TPTE2: variants seen among roughly 807,000 people sequenced by gnomAD.
TPTE2 encodes the protein transmembrane phosphoinositide 3-phosphatase and tensin homolog 2.
In TPTE2, 53 loss-of-function variants were observed where a neutral mutation model predicts 78.6. The observed-to-expected ratio is 0.67, with a 90% CI of 0.54 to 0.85. The LOEUF is 0.85. TPTE2 is among the 40% of genes least tolerant of loss of function. The pLI is 0.00. For synonymous variants in TPTE2, 175 were observed against 206.2 expected, an observed-to-expected ratio of 0.85 and a Z score of 1.30; for missense variants, 461 against 623.0, an observed-to-expected ratio of 0.74 and a Z score of 2.77.
chr13:19,528,847 T>C (rs1870687280), intron 1 of TPTE2, among the ~76,000 whole-genome samples: 1 of 152,094 alleles, frequency 6.6e-6, no homozygotes, highest in African/African-American at 2.4e-5. Context: ...TGGCTGGGTG[T>C]GGTGGCTCAC....
chr13:19,546,169 G>A, the TPTE2 span, among the ~76,000 whole-genome samples: 1 of 152,084 alleles, frequency 6.6e-6, no homozygotes. Context: ...CTGCACTCCA[G>A]CCTGGAAGAC....
chr13:19,546,188 A>G, the TPTE2 span, among the ~76,000 whole-genome samples: 6 of 152,176 alleles, frequency 3.9e-5, no homozygotes, highest in African/African-American at 1.4e-4. Flanking sequence ...ACAGAGTGAC[A>G]CCACACCTCT....
At chr13:19,482,417 G>A (rs1041770080) in intron 4 of TPTE2, 71 bp downstream of exon 7, 38 of 1,549,594 alleles carry the variant, frequency 2.5e-5, no homozygotes, top group African/African-American at 7.0e-5. Context: ...TTGCCTTAGC[G>A]GAAGCCCTGT....
chr13:19,453,648 T>A (rs1273229610), intron 10 of TPTE2, among the ~76,000 whole-genome samples: 1 of 151,356 alleles, frequency 6.6e-6, no homozygotes, highest in East Asian at 1.9e-4. Context: ...CTTATCCAAA[T>A]TAGGTGAAAA....
chr13:19,426,055 T>C (rs1876038437), intron 18 of TPTE2, among the ~76,000 whole-genome samples: 1 of 151,106 alleles, frequency 6.6e-6, no homozygotes, highest in African/African-American at 2.4e-5. Context: ...TGAGACCCTG[T>C]CTCAACTTCT....
intron 10 of TPTE2, among the ~76,000 whole-genome samples, chr13:19,452,089 T>C (rs1011909228): frequency 2.0e-5 from 3 of 152,088 alleles, no homozygotes; most frequent in African/African-American, 7.2e-5. Flanking sequence ...CATCCATTTA[T>C]TAAACTGGCT....
At chr13:19,422,926 T>C (rs1024833548) in exon 20 of TPTE2, 3 of 921,452 alleles carry the variant, frequency 3.3e-6, no homozygotes, top group African/African-American at 1.8e-5. Flanking sequence ...TATAAACATA[T>C]ATAAATATAG....
At chr13:19,514,719 G>A (rs965609280) in intron 1 of TPTE2, among the ~76,000 whole-genome samples, 4 of 151,662 alleles carry the variant, frequency 2.6e-5, no homozygotes, top group South Asian at 2.1e-4. Flanking sequence ...GCTAGTTCCC[G>A]GTCACCCTTG....
intron 15 of TPTE2, among the ~76,000 whole-genome samples, chr13:19,433,950 T>C (rs1324476576): frequency 1.3e-5 from 2 of 152,204 alleles, no homozygotes; most frequent in African/African-American, 4.8e-5. Context: ...ATCCCCTTAG[T>C]TTCTGCCACT....
chr13:19,439,915 G>T (rs140527111), intron 13 of TPTE2, among the ~76,000 whole-genome samples: 2 of 152,210 alleles, frequency 1.3e-5, no homozygotes, highest in East Asian at 1.9e-4. Context: ...AAAGAAAAAA[G>T]ATTTTTTAAA....
chr13:19,482,976 G>A (rs1880449492), intron 3 of TPTE2, among the ~76,000 whole-genome samples: 1 of 152,138 alleles, frequency 6.6e-6, no homozygotes, highest in Non-Finnish European at 1.5e-5. Flanking sequence ...GCATATAAAA[G>A]TTATGTTTAC....
At chr13:19,472,635 T>C (rs1879696046) in intron 6 of TPTE2, among the ~76,000 whole-genome samples, 1 of 152,216 alleles carries the variant, frequency 6.6e-6, no homozygotes, top group Non-Finnish European at 1.5e-5. Context: ...AAAGGTCACA[T>C]ATATCTGTTT....
Position 19,496,744 on chromosome 13 carries a change from C to G in TPTE2, c.12-3243G>C, listed in dbSNP as rs116362697. On this transcript the variant is annotated intron_variant, in intron 1 of 19. Coordinates refer to ENST00000400230, the Ensembl canonical transcript of TPTE2. ...CCCTTCTGTCAATCTGGTACGCTCT[C>G]AAACTCAGGAAATCTGAGTCCTTTA... Among the ~76,000 whole-genome samples, 1,176 of 152,354 alleles carry G rather than the reference C, an allele frequency of 7.7e-3. 14 individuals are homozygous for G. The highest frequency in any genetic ancestry group is 0.027 in the African/African-American group (1,129 of 41,584).
At chr13:19,484,171 T>A (rs1441284783) in intron 3 of TPTE2, among the ~76,000 whole-genome samples, 5 of 152,214 alleles carry the variant, frequency 3.3e-5, no homozygotes, top group African/African-American at 1.2e-4. Flanking sequence ...TCTAGTTACA[T>A]TTGTTTCAAG....
At chr13:19,465,763 T>C (rs923609736) in intron 7 of TPTE2, among the ~76,000 whole-genome samples, 199 bp from the exon 11 acceptor site, 2 of 152,154 alleles carry the variant, frequency 1.3e-5, no homozygotes, top group African/African-American at 4.8e-5. Flanking sequence ...TGTGTCTGTG[T>C]GTTACTTACA....
chr13:19,476,957 AACCTAGGTACCC>A (rs1879987708), intron 4 of TPTE2, among the ~76,000 whole-genome samples: 1 of 152,232 alleles, frequency 6.6e-6, no homozygotes, highest in Non-Finnish European at 1.5e-5. Context: ...ACATGGAATC[AACCTAGGTACCC>A]ATCAATGACA....
chr13:19,438,943 G>GCAAC (rs952970419), intron 13 of TPTE2, among the ~76,000 whole-genome samples: 15 of 152,210 alleles, frequency 9.9e-5, no homozygotes, highest in Admixed American at 9.2e-4. Context: ...GGAGATCCAC[G>GCAAC]CAACCCGGGC....
At chr13:19,536,070 A>G (rs554419378) in intron 1 of TPTE2, among the ~76,000 whole-genome samples, 1 of 152,332 alleles carries the variant, frequency 6.6e-6, no homozygotes, top group Admixed American at 6.5e-5. Context: ...ACGAATGCCA[A>G]CCTTAAAAGA....
intron 4 of TPTE2, among the ~76,000 whole-genome samples, chr13:19,479,055 T>C (rs1185108008): frequency 2.6e-5 from 4 of 152,134 alleles, no homozygotes; most frequent in South Asian, 2.1e-4. Context: ...ATACACCTAA[T>C]GTAAATGACG....
Sources: allele counts gnomAD v4.1 joint callset (sites outside exome capture counted in the v4.1 genomes callset), GRCh38; gene constraint gnomAD v4.1.1; transcripts MANE v1.5; gene names NCBI Gene and HGNC (gene_info 2026-07-23, HGNC 2026-07-21).